PCBP3: variants seen among roughly 807,000 people sequenced by gnomAD.
The protein encoded by PCBP3 is poly(rC)-binding protein 3.
Under a neutral mutation model 52.7 loss-of-function variants are expected in PCBP3, and 25 were observed. That is an observed-to-expected ratio of 0.47 (90% CI 0.35 to 0.66). PCBP3 has a LOEUF of 0.66. Among genes scored for constraint, PCBP3 ranks in the 30% least tolerant of loss-of-function variants. The pLI is 0.01. For missense variants in PCBP3, 391 were observed against 490.3 expected (o/e 0.80, Z 1.91); for synonymous variants, 162 against 183.0 (o/e 0.89, Z 0.93).
chr21:45,653,058 T>C lies in PCBP3; in HGVS notation c.-279+9190T>C, dbSNP rs1441832530. On this transcript the variant is annotated intron_variant, in intron 1 of 17. Coordinates refer to ENST00000681687, the MANE Select transcript of PCBP3 (RefSeq NM_001384156.1). ...GAACGTTTAAACATTTCTAAACATA[T>C]GCATATTTTCTTGTTTTATTATTCT... Among the ~76,000 whole-genome samples, 4 of 152,332 alleles carry C rather than the reference T, an allele frequency of 2.6e-5. 1 individual carries two copies. In the South Asian group the frequency reaches 8.3e-4, roughly 32 times the overall value.
chr21:45,874,466 T>TTTC (rs2095168011), intron 5 of PCBP3, among the ~76,000 whole-genome samples: 1 of 152,086 alleles, frequency 6.6e-6, no homozygotes, highest in Non-Finnish European at 1.5e-5. Flanking sequence ...CTTTGCCTTC[T>TTTC]TTCTGATGGC....
At chr21:45,644,194 C>T (rs1488084662) in intron 1 of PCBP3, among the ~76,000 whole-genome samples, 1 of 151,632 alleles carries the variant, frequency 6.6e-6, no homozygotes, top group Non-Finnish European at 1.5e-5. Flanking sequence ...GTCTGGACTA[C>T]TTGAGGCTTC....
At chr21:45,828,483 A>G (rs894769859) in intron 4 of PCBP3, 4 of 152,148 alleles carry the variant, frequency 2.6e-5, no homozygotes, top group African/African-American at 9.7e-5. Flanking sequence ...AACCAGCCGC[A>G]CTTTCCAGTG....
rs535581283 is a variant in PCBP3 at position 45,761,614 on chromosome 21, A to G, written c.-126+6162A>G. 6.6e-5 allele frequency: 10 copies of G among 152,302 alleles called. No homozygotes were observed. In the East Asian group the frequency reaches 1.9e-3, roughly 29 times the overall value. The allele number at this position is 152,302 out of a possible 1,614,324, so 9.4% of individuals were successfully genotyped here. ...TCCAGTCTGGCGTCTCTCTTTCATCACATTGGCTTTCCTCAAATACTGTTT... is the reference window on the plus strand; with the variant it reads ...TCCAGTCTGGCGTCTCTCTTTCATCGCATTGGCTTTCCTCAAATACTGTTT... On this transcript the variant is annotated intron_variant, in intron 4 of 17. Coordinates refer to ENST00000681687, the MANE Select transcript of PCBP3 (RefSeq NM_001384156.1).
intron 5 of PCBP3, among the ~76,000 whole-genome samples, chr21:45,855,674 T>A (rs1399654277): frequency 6.6e-6 from 1 of 152,272 alleles, no homozygotes; most frequent in East Asian, 1.9e-4. Context: ...CTGCAGGCCA[T>A]GCAGTGTGTG....
chr21:45,825,153 C>T (rs1245601437), intron 4 of PCBP3, among the ~76,000 whole-genome samples: 2 of 152,084 alleles, frequency 1.3e-5, no homozygotes, highest in Non-Finnish European at 2.9e-5. Flanking sequence ...ATGCCAAGCC[C>T]TTGCTCTGAG....
chr21:45,935,373 G>A, intron 16 of PCBP3, 68 bp downstream of exon 16: 1 of 1,195,402 alleles, frequency 8.4e-7, no homozygotes, highest in Admixed American at 1.9e-5. Context: ...TGTCAGCTCT[G>A]CTGTCCTTTG....
rs1397877152 is a variant in PCBP3 at position 45,920,614 on chromosome 21, C to T, written c.717+2985C>T. Among the ~76,000 whole-genome samples the T allele has an allele frequency of 5.3e-5, 8 of 152,272 alleles. No individual in the cohort carries two copies. In the East Asian group the frequency reaches 1.5e-3, roughly 29 times the overall value. ...TATTAGAGGGTGGGGGGTCCCAGGGCTGGGGAGTGATTGGGTCATGAGCGC... is the reference window on the plus strand; with the variant it reads ...TATTAGAGGGTGGGGGGTCCCAGGGTTGGGGAGTGATTGGGTCATGAGCGC... On this transcript the variant is annotated intron_variant, in intron 13 of 17. Transcript: ENST00000681687.
At chr21:45,838,092 G>C (rs146346870) in intron 4 of PCBP3, among the ~76,000 whole-genome samples, 1 of 152,206 alleles carries the variant, frequency 6.6e-6, no homozygotes, top group East Asian at 1.9e-4. Flanking sequence ...TTCTCACTGC[G>C]ATGAGTTGGT....
rs1269173292 is a variant in PCBP3 at position 45,837,418 on chromosome 21, G to A, written c.-125-12543G>A. 6.6e-6 allele frequency among the ~76,000 whole-genome samples: 1 copy of A among 152,250 alleles called. No homozygotes were observed. Among genetic ancestry groups the A allele is most frequent in the Non-Finnish European group, 1.5e-5 (1 of 68,042 alleles). ...CACAGCGCTGCAGAGCTCCCAGGAT[G>A]CTGGCTCTTGGAGCCTAGGGATGGC... On this transcript the variant is annotated intron_variant, in intron 4 of 17. Coordinates refer to ENST00000681687, the MANE Select transcript of PCBP3 (RefSeq NM_001384156.1). The surrounding 1 kb of genome is among the most constrained non-coding windows in gnomAD (Gnocchi z 4.1).
intron 2 of PCBP3, chr21:45,732,896 G>T (rs1015365885): frequency 1.3e-5 from 2 of 152,194 alleles, no homozygotes; most frequent in Non-Finnish European, 2.9e-5. Flanking sequence ...GGCTCTCAGA[G>T]TGCTGGGATT....
intron 5 of PCBP3, among the ~76,000 whole-genome samples, chr21:45,891,414 A>T (rs2148932864): frequency 6.6e-6 from 1 of 152,244 alleles, no homozygotes; most frequent in East Asian, 1.9e-4. Flanking sequence ...TTCTAAACAG[A>T]AAAGAACTGT....
intron 3 of PCBP3, among the ~76,000 whole-genome samples, chr21:45,754,311 A>G (rs2087824457): frequency 6.6e-6 from 1 of 152,208 alleles, no homozygotes; most frequent in African/African-American, 2.4e-5. Flanking sequence ...AAAAAACAAG[A>G]AAACTTTTAA....
At chr21:45,839,629 T>C (rs2093657710) in intron 4 of PCBP3, among the ~76,000 whole-genome samples, 1 of 152,238 alleles carries the variant, frequency 6.6e-6, no homozygotes, top group African/African-American at 2.4e-5. Context: ...CTTTACGCCA[T>C]GGTGATTCTG....
At chr21:45,866,361 A>T (rs992875457) in intron 5 of PCBP3, among the ~76,000 whole-genome samples, 3 of 152,214 alleles carry the variant, frequency 2.0e-5, no homozygotes, top group African/African-American at 7.2e-5. Flanking sequence ...CAGGGTTCTT[A>T]TCGCAAGGAA....
intron 13 of PCBP3, among the ~76,000 whole-genome samples, chr21:45,919,814 G>GGT (rs749618031): frequency 0.06 from 8,878 of 148,726 alleles, 382 homozygotes; most frequent in African/African-American, 0.11. Flanking sequence ...CAGAAGCAGA[G>GGT]GTGTGTGTGT....
chr21:45,651,237 C>G (rs2146833674), intron 1 of PCBP3, among the ~76,000 whole-genome samples: 1 of 152,226 alleles, frequency 6.6e-6, no homozygotes, highest in Middle Eastern at 3.4e-3. Context: ...ACTGACCTCC[C>G]CTTAGAAGTG....
At chr21:45,649,933 T>C (rs1467660530) in intron 1 of PCBP3, among the ~76,000 whole-genome samples, 1 of 152,128 alleles carries the variant, frequency 6.6e-6, no homozygotes, top group Non-Finnish European at 1.5e-5. Flanking sequence ...ATTTAGATAA[T>C]TTTAAGCTTT....
At chr21:45,808,668 A>G (rs2092588924) in intron 4 of PCBP3, among the ~76,000 whole-genome samples, 1 of 152,200 alleles carries the variant, frequency 6.6e-6, no homozygotes, top group Non-Finnish European at 1.5e-5. Context: ...ATACCATTTG[A>G]CCCAGCAATC....
Sources: allele counts gnomAD v4.1 joint callset (sites outside exome capture counted in the v4.1 genomes callset), GRCh38; gene constraint gnomAD v4.1.1; non-coding constraint Gnocchi (gnomAD v3.1); transcripts MANE v1.5; gene names NCBI Gene and HGNC (gene_info 2026-07-23, HGNC 2026-07-21).